The following STXBP4 variants were observed in gnomAD, a reference collection of about 807,000 sequenced individuals.
The protein encoded by STXBP4 is syntaxin-binding protein 4.
A neutral mutation model predicts 76.1 loss-of-function variants in STXBP4; 55 were observed. The observed-to-expected ratio is 0.72, with a 90% CI of 0.58 to 0.91. The LOEUF (loss-of-function observed/expected upper bound fraction) is 0.91. STXBP4 is among the 40% of genes least tolerant of loss of function. The pLI is 0.00. For missense variants in STXBP4, 618 were observed against 636.9 expected (o/e 0.97, Z 0.32); for synonymous variants, 201 against 220.2 (o/e 0.91, Z 0.77).
At chr17:55,089,712 A>G (rs570122918) in intron 16 of STXBP4, among the ~76,000 whole-genome samples, 1 of 152,336 alleles carries the variant, frequency 6.6e-6, no homozygotes, top group South Asian at 2.1e-4. Context: ...ATATAGATTG[A>G]CAAAATGATT....
chr17:55,099,722 A>G (rs1249036070), intron 16 of STXBP4, among the ~76,000 whole-genome samples: 1 of 152,206 alleles, frequency 6.6e-6, no homozygotes, highest in Admixed American at 6.6e-5. Flanking sequence ...ATCAGGCACT[A>G]AGAACATAGG....
chr17:55,078,076 A>G lies in STXBP4; in HGVS notation c.1189-2A>G, dbSNP rs758135629. The G allele has an allele frequency of 2.5e-6, 4 of 1,592,032 alleles. No individual in the cohort carries two copies. In the East Asian group the frequency reaches 9.0e-5, roughly 36 times the overall value. On this transcript the variant is annotated splice_acceptor_variant, in intron 13 of 17. Coordinates refer to ENST00000376352, the MANE Select transcript of STXBP4 (RefSeq NM_178509.6). LOFTEE classifies it high-confidence loss of function. Reference sequence around the variant, plus strand: ...AATGCTCCTTTTGATATCTCTGTGCAGGAAAGTGTTCAGGATTTAAAAAAG... The same window carrying G: ...AATGCTCCTTTTGATATCTCTGTGCGGGAAAGTGTTCAGGATTTAAAAAAG...
rs1056387472 is a variant in STXBP4, at chr17:55,171,748, G to A, written c.*11837G>A. 6.6e-6 allele frequency: 1 copy of A among 152,222 alleles called. No homozygotes were observed. Among genetic ancestry groups the A allele is most frequent in the Non-Finnish European group, 1.5e-5 (1 of 68,038 alleles). 9.4% of individuals were successfully genotyped at this position (152,222 alleles called of 1,614,324 possible). A position where few individuals can be genotyped will look rare whatever the true frequency, so the allele number is the denominator to read the frequency against. On this transcript the variant is annotated 3_prime_UTR_variant, in exon 18 of 18. Coordinates refer to ENST00000376352, the MANE Select transcript of STXBP4 (RefSeq NM_178509.6). ...CAGGGAACTACCTAGGAGATGCTAG[G>A]AGAGAGGCCTAGAATGGAACCCTCC...
At position 55,039,661 on chromosome 17, in the gene STXBP4, AAAC is replaced by A. The variant is rs1217437266; in HGVS notation, c.856-3568_856-3566del. 2.0e-5 allele frequency among the ~76,000 whole-genome samples: 3 copies of A among 152,156 alleles called. No individual in the cohort carries two copies. The East Asian group carries it at 5.8e-4, about 29-fold the overall frequency. The stretch of plus-strand genomic sequence containing the variant: ...GTTATAGATCTAGATTACTTACCAA[AAAC>A]AACAACTACAACAAGTATGTCATCA... On this transcript the variant is annotated intron_variant, in intron 10 of 17. Coordinates refer to ENST00000376352, the MANE Select transcript of STXBP4 (RefSeq NM_178509.6).
intron 16 of STXBP4, among the ~76,000 whole-genome samples, chr17:55,117,890 G>A (rs1390521425): frequency 1.3e-5 from 2 of 151,904 alleles, no homozygotes; most frequent in Non-Finnish European, 1.5e-5. Context: ...GTCAGACACT[G>A]TATTGAATGA....
downstream of STXBP4, among the ~76,000 whole-genome samples, chr17:55,174,125 T>C (rs1306204241): frequency 6.6e-6 from 1 of 152,270 alleles, no homozygotes; most frequent in Non-Finnish European, 1.5e-5. Context: ...TTTCACCATT[T>C]CAAAGTTCAT....
Position 55,081,184 on chromosome 17 carries a change from G to T in STXBP4, c.1489+1G>T. The T allele has an allele frequency of 1.4e-6, 2 of 1,456,740 alleles. No homozygotes were observed. Among genetic ancestry groups the T allele is most frequent in the South Asian group, 1.5e-5 (1 of 68,486 alleles). 90.2% of individuals were successfully genotyped at this position (1,456,740 alleles called of 1,614,324 possible). ...GTTCGTGCCTTACTTGATATGGATTGTAAGTTTTCTGCATTTTTTCACTTT... is the reference window on the plus strand; with the variant it reads ...GTTCGTGCCTTACTTGATATGGATTTTAAGTTTTCTGCATTTTTTCACTTT... On this transcript the variant is annotated splice_donor_variant, in intron 16 of 17. Transcript: ENST00000376352. LOFTEE classifies it high-confidence loss of function.
intron 16 of STXBP4, among the ~76,000 whole-genome samples, chr17:55,092,675 G>A (rs892739692): frequency 2.0e-5 from 3 of 152,202 alleles, no homozygotes; most frequent in African/African-American, 7.2e-5. Context: ...TAAGAAGAAT[G>A]TGAGTAGTAG....
chr17:55,040,687 A>G (rs1567733208), intron 10 of STXBP4, among the ~76,000 whole-genome samples: 4 of 152,194 alleles, frequency 2.6e-5, no homozygotes, highest in African/African-American at 4.8e-5. Flanking sequence ...AGGAGACTCT[A>G]GAAAGCAGAG....
At chr17:55,134,510 A>G (rs1567777109) in intron 16 of STXBP4, among the ~76,000 whole-genome samples, 1 of 152,168 alleles carries the variant, frequency 6.6e-6, no homozygotes, top group Non-Finnish European at 1.5e-5. Flanking sequence ...AAACAATTAT[A>G]TATAACTTCA....
intron 7 of STXBP4, 135 bp from the exon 8 acceptor site, chr17:55,007,371 G>T: frequency 1.5e-6 from 1 of 674,468 alleles, no homozygotes; most frequent in Non-Finnish European, 2.6e-6. Context: ...AAAAAATTAT[G>T]CAAACAAAAC....
At chr17:55,008,210 C>CT (rs77708278) in intron 8 of STXBP4, among the ~76,000 whole-genome samples, 86 of 145,584 alleles carry the variant, frequency 5.9e-4, no homozygotes, top group East Asian at 3.4e-3. Flanking sequence ...AAATAAGCCC[C>CT]TTTTTTTTTT....
the STXBP4 span, among the ~76,000 whole-genome samples, chr17:55,200,183 C>G: frequency 1.3e-5 from 2 of 152,206 alleles, no homozygotes; most frequent in Non-Finnish European, 2.9e-5. Context: ...CTTTGTTCAT[C>G]AGAGTATTTC....
rs1352175115 is a variant in STXBP4, at chr17:55,047,089, G to A, written c.946G>A (p.Glu316Lys). 6.3e-7 allele frequency: 1 copy of A among 1,596,110 alleles called. No individual in the cohort carries two copies. Among genetic ancestry groups the A allele is most frequent in the Admixed American group, 1.7e-5 (1 of 58,964 alleles). Residue 316 changes from glutamate (E) to lysine (K), a missense_variant and splice_region_variant, in exon 12 of 18, where the codon GAA becomes AAA. By Grantham distance (56) the Glu-to-Lys change is moderately conservative (BLOSUM62 1). Transcript: ENST00000376352. Reference sequence around the variant, plus strand: ...TTAATTTGGTGGTTTTTAAATATAGGAAAAATTATTGGAATCAGATAAGCA... The same window carrying A: ...TTAATTTGGTGGTTTTTAAATATAGAAAAAATTATTGGAATCAGATAAGCA... ...DALKEVNTLK[E>K]KLLESDKQRK... is the part of the protein sequence containing the mutation.
At chr17:55,146,507 TGA>T (rs1264435590) in intron 17 of STXBP4, among the ~76,000 whole-genome samples, 1 of 151,822 alleles carries the variant, frequency 6.6e-6, no homozygotes, top group Non-Finnish European at 1.5e-5. Context: ...GTCAGGAGAT[TGA>T]GACCATCCTG....
intron 17 of STXBP4, among the ~76,000 whole-genome samples, chr17:55,145,815 AAAAG>A (rs1206808162): frequency 6.6e-6 from 1 of 152,222 alleles, no homozygotes; most frequent in African/African-American, 2.4e-5. Flanking sequence ...ATATGTGTAA[AAAAG>A]AAAATACATT....
At chr17:55,183,043 A>G in the STXBP4 span, among the ~76,000 whole-genome samples, 38 of 152,348 alleles carry the variant, frequency 2.5e-4, no homozygotes, top group African/African-American at 9.1e-4. Context: ...TTGACTGTAA[A>G]AAGCAATAAT....
At chr17:55,149,946 A>G (rs2080196227) in intron 17 of STXBP4, among the ~76,000 whole-genome samples, 1 of 152,160 alleles carries the variant, frequency 6.6e-6, no homozygotes, top group Non-Finnish European at 1.5e-5. Flanking sequence ...CATTTAACCA[A>G]TGACAGGTAT....
At chr17:55,089,570 C>T (rs182148038) in intron 16 of STXBP4, among the ~76,000 whole-genome samples, 12 of 152,192 alleles carry the variant, frequency 7.9e-5, no homozygotes, top group Admixed American at 7.9e-4. Context: ...GTATTGGAAC[C>T]CCTGGAGATG....
Sources: gnomAD v4.1 joint callset for allele counts (sites outside exome capture counted in the v4.1 genomes callset) on GRCh38, gnomAD v4.1.1 for gene constraint, MANE v1.5 for transcripts, NCBI Gene and HGNC (gene_info 2026-07-23, HGNC 2026-07-21) for gene names.